CCDC171: variants seen among roughly 807,000 people sequenced by gnomAD.
CCDC171 encodes coiled-coil domain-containing protein 171.
Under a neutral mutation model 168.2 loss-of-function variants are expected in CCDC171, and 177 were observed. That is an observed-to-expected ratio of 1.05 (90% confidence interval 0.93 to 1.19). The LOEUF is 1.19. CCDC171 is among the 50% of genes most tolerant of loss of function. The pLI is 0.00. For synonymous variants in CCDC171, 687 were observed against 540.8 expected (o/e 1.27, Z -3.75); for missense variants, 1,991 against 1,539.0 (o/e 1.29, Z -4.91).
intron 3 of CCDC171, among the ~76,000 whole-genome samples, chr9:16,008,074 A>G (rs1020449454): frequency 4.6e-5 from 7 of 152,154 alleles, no homozygotes; most frequent in African/African-American, 1.7e-4. Context: ...AAAAGTTTTC[A>G]ACTTTAATGA....
At chr9:16,053,959 C>T (rs1276904281) in intron 1 of CCDC171, among the ~76,000 whole-genome samples, 3 of 152,240 alleles carry the variant, frequency 2.0e-5, no homozygotes, top group African/African-American at 7.2e-5. Flanking sequence ...AGCCTCAGAA[C>T]TGAGCCAGTC....
chr9:15,786,531 T>G (rs746939260), intron 21 of CCDC171, among the ~76,000 whole-genome samples: 1 of 150,592 alleles, frequency 6.6e-6, no homozygotes, highest in Non-Finnish European at 1.5e-5. Context: ...TGTTTTTTAC[T>G]TACTTCAAAC....
At chr9:16,093,107 A>G in the CCDC171 span, among the ~76,000 whole-genome samples, 3 of 152,354 alleles carry the variant, frequency 2.0e-5, no homozygotes, top group East Asian at 1.9e-4. Flanking sequence ...ACCAGACACA[A>G]CACACCCAGG....
intron 4 of CCDC171, among the ~76,000 whole-genome samples, chr9:15,581,720 C>T (rs1013114240): frequency 6.6e-6 from 1 of 152,038 alleles, no homozygotes; most frequent in Non-Finnish European, 1.5e-5. Context: ...GGAAAACTGG[C>T]TAGCCATATG....
chr9:16,063,969 T>C (rs1431123412), downstream of CCDC171, among the ~76,000 whole-genome samples: 2 of 152,220 alleles, frequency 1.3e-5, no homozygotes, highest in South Asian at 2.1e-4. Context: ...CAAGTCTTGC[T>C]GGAGACACAA....
intron 23 of CCDC171, among the ~76,000 whole-genome samples, chr9:15,864,187 G>A (rs1345565155): frequency 6.6e-6 from 1 of 151,924 alleles, no homozygotes; most frequent in Non-Finnish European, 1.5e-5. Flanking sequence ...TTTATGGAAC[G>A]ACTAGCTTTT....
At chr9:16,099,782 G>C in the CCDC171 span, among the ~76,000 whole-genome samples, 2 of 152,156 alleles carry the variant, frequency 1.3e-5, no homozygotes, top group African/African-American at 4.8e-5. Flanking sequence ...CAATGATTAA[G>C]AAAAAGACTC....
chr9:15,908,670 C>G (rs1237725540), intron 24 of CCDC171, among the ~76,000 whole-genome samples: 1 of 150,868 alleles, frequency 6.6e-6, no homozygotes, highest in Non-Finnish European at 1.5e-5. Context: ...AGAGAAATAT[C>G]TGAGACTGGA....
At chr9:15,878,268 T>A (rs945992312) in intron 24 of CCDC171, among the ~76,000 whole-genome samples, 44 of 151,948 alleles carry the variant, frequency 2.9e-4, no homozygotes, top group African/African-American at 1.0e-3. Context: ...ATAAGGAACT[T>A]AAATTTACGA....
chr9:15,932,992 G>A (rs1279481724), intron 25 of CCDC171, among the ~76,000 whole-genome samples: 1 of 151,960 alleles, frequency 6.6e-6, no homozygotes, highest in African/African-American at 2.4e-5. Flanking sequence ...AGTTTGGTTT[G>A]ATAGTATCTT....
intron 7 of CCDC171, among the ~76,000 whole-genome samples, chr9:15,627,283 A>AT (rs1217578806): frequency 2.0e-5 from 3 of 149,784 alleles, no homozygotes; most frequent in Non-Finnish European, 3.0e-5. Flanking sequence ...GGATTCATTG[A>AT]TTTTTTTCAA....
intron 23 of CCDC171, among the ~76,000 whole-genome samples, chr9:15,869,993 T>G (rs1006102882): frequency 2.6e-5 from 4 of 151,890 alleles, no homozygotes; most frequent in African/African-American, 9.7e-5. Context: ...AAAGGCCAGA[T>G]AGTAAATATC....
intron 3 of CCDC171, among the ~76,000 whole-genome samples, chr9:16,006,900 A>G (rs541013329): frequency 1.3e-5 from 2 of 152,170 alleles, no homozygotes; most frequent in African/African-American, 4.8e-5. Flanking sequence ...ATACGTGTGC[A>G]TGTGTCTTTA....
At chr9:16,029,283 C>T (rs912924874) in intron 6 of CCDC171, among the ~76,000 whole-genome samples, 12 of 147,110 alleles carry the variant, frequency 8.2e-5, no homozygotes, top group Non-Finnish European at 1.1e-4. Context: ...TAATTCATGC[C>T]CACAAAAATT....
chr9:16,094,157 T>A, the CCDC171 span, among the ~76,000 whole-genome samples: 5 of 152,128 alleles, frequency 3.3e-5, no homozygotes, highest in Admixed American at 2.6e-4. Flanking sequence ...GAGTGCACGG[T>A]GGGCTGGAAG....
At chr9:15,971,186 C>G (rs1369649227) in intron 25 of CCDC171, among the ~76,000 whole-genome samples, 1 of 152,048 alleles carries the variant, frequency 6.6e-6, no homozygotes, top group East Asian at 1.9e-4. Flanking sequence ...CATAAATACT[C>G]ATAGTTTATT....
intron 25 of CCDC171, among the ~76,000 whole-genome samples, chr9:15,926,001 G>A (rs1235934622): frequency 6.6e-6 from 1 of 151,646 alleles, no homozygotes; most frequent in East Asian, 1.9e-4. Context: ...GACATGCTCT[G>A]CCCTTGTGAG....
chr9:15,662,443 G>T (rs939894284), intron 8 of CCDC171, among the ~76,000 whole-genome samples: 2 of 152,138 alleles, frequency 1.3e-5, no homozygotes, highest in Admixed American at 1.3e-4. Flanking sequence ...AACTCAGGTT[G>T]TGTGTTGCCA....
intron 7 of CCDC171, 48 bp downstream of exon 7, chr9:15,623,461 ATATGCGCG>A (rs780422674): frequency 2.8e-5 from 18 of 644,104 alleles, no homozygotes; most frequent in East Asian, 4.9e-5. Flanking sequence ...AAACTTTCAC[ATATGCGCG>A]CGCGCGCACA....
Sources: allele counts gnomAD v4.1 joint callset (sites outside exome capture counted in the v4.1 genomes callset), GRCh38; gene constraint gnomAD v4.1.1; transcripts MANE v1.5; gene names NCBI Gene and HGNC (gene_info 2026-07-23, HGNC 2026-07-21).